TMEM177: variants seen among roughly 807,000 people sequenced by gnomAD.
The protein encoded by TMEM177 is transmembrane protein 177.
TMEM177 carries 4 observed loss-of-function variants against 14.2 expected under a neutral mutation model. The ratio of observed to expected loss-of-function variants is 0.28; its 90% CI spans 0.14 to 0.64. The LOEUF is 0.64. TMEM177 is among the 30% of genes least tolerant of loss of function. TMEM177 has a pLI of 0.82. For synonymous variants in TMEM177, 179 were observed against 174.5 expected, an observed-to-expected ratio of 1.03 and a Z score of -0.20; for missense variants, 344 against 405.2, an observed-to-expected ratio of 0.85 and a Z score of 1.30.
downstream of TMEM177, among the ~76,000 whole-genome samples, chr2:119,690,002 C>G (rs1199527648): frequency 6.6e-6 from 1 of 152,212 alleles, no homozygotes; most frequent in Non-Finnish European, 1.5e-5. Context: ...GAGCCTTGCT[C>G]CCCGCTAGAG....
At chr2:119,723,196 G>A in the TMEM177 span, among the ~76,000 whole-genome samples, 5 of 152,128 alleles carry the variant, frequency 3.3e-5, no homozygotes, top group Admixed American at 6.5e-5. Context: ...TCGAAGACAC[G>A]TCAAGGAAGC....
the TMEM177 span, among the ~76,000 whole-genome samples, chr2:119,720,866 T>G: frequency 6.6e-6 from 1 of 152,206 alleles, no homozygotes; most frequent in Non-Finnish European, 1.5e-5. Context: ...TCAAACTGGC[T>G]TAAATAATGA....
rs763206778 is a variant in TMEM177, at chr2:119,681,558, G to A, written c.705G>A (p.Thr235=). ...TGGAGTCCTGGCTGGACCGCCGCAC[G>A]GCCTCCCTCTCTGCAGCCTATGCCT... ...HAVESWLDRR[T]ASLSAAYACG... Residue 235 remains threonine (T), a synonymous_variant, in exon 2 of 2, where the codon ACG becomes ACA. Transcript: ENST00000272521. The A allele has an allele frequency of 8.7e-6, 14 of 1,614,178 alleles. No individual in the cohort carries two copies. Among genetic ancestry groups the A allele is most frequent in the Admixed American group, 5.0e-5 (3 of 60,028 alleles).
At chr2:119,700,172 A>G in the TMEM177 span, 1 of 192,074 alleles carries the variant, frequency 5.2e-6, no homozygotes. Context: ...AGCATAAAAT[A>G]AATGCAATTA....
At chr2:119,680,179 C>G (rs1688857778) in intron 1 of TMEM177, among the ~76,000 whole-genome samples, 1 of 152,208 alleles carries the variant, frequency 6.6e-6, no homozygotes, top group African/African-American at 2.4e-5. Context: ...AAGACCCTGT[C>G]TCCAAATACA....
At chr2:119,688,231 A>G (rs1435724130), downstream of TMEM177, among the ~76,000 whole-genome samples, 1 of 152,214 alleles carries the variant, frequency 6.6e-6, no homozygotes, top group African/African-American at 2.4e-5. Flanking sequence ...CAATAATGTA[A>G]ACATGGTAAA....
chr2:119,715,941 A>C, the TMEM177 span, among the ~76,000 whole-genome samples: 1 of 152,222 alleles, frequency 6.6e-6, no homozygotes, highest in Non-Finnish European at 1.5e-5. Context: ...CCACAAGTGC[A>C]GTGACCCATG....
chr2:119,684,079 A>C (rs1688967621), downstream of TMEM177, among the ~76,000 whole-genome samples: 1 of 152,082 alleles, frequency 6.6e-6, no homozygotes, highest in East Asian at 1.9e-4. Flanking sequence ...CTCCTGCCTA[A>C]AGCCCTTTAG....
the TMEM177 span, among the ~76,000 whole-genome samples, chr2:119,717,640 G>T: frequency 0.25 from 30,524 of 121,248 alleles, 3,458 homozygotes; most frequent in South Asian, 0.34. Context: ...ACAGAGTCTT[G>T]CTCTGTCACC....
downstream of TMEM177, among the ~76,000 whole-genome samples, chr2:119,682,448 C>A (rs1052374986): frequency 6.6e-6 from 1 of 152,104 alleles, no homozygotes; most frequent in African/African-American, 2.4e-5. Flanking sequence ...GGTTAAAAGA[C>A]TAGAGAGCCC....
chr2:119,689,042 T>C (rs1274305202), downstream of TMEM177, among the ~76,000 whole-genome samples: 1 of 152,184 alleles, frequency 6.6e-6, no homozygotes, highest in African/African-American at 2.4e-5. Flanking sequence ...TGCTCTGAAG[T>C]CTGAGGCCCA....
chr2:119,702,515 TTGCTCTAGGACA>T, the TMEM177 span, among the ~76,000 whole-genome samples: 2 of 152,200 alleles, frequency 1.3e-5, no homozygotes, highest in African/African-American at 4.8e-5. Context: ...TTCACCCACC[TTGCTCTAGGACA>T]TAATCCCAGG....
rs1231539016 is a variant in TMEM177 at position 119,681,285 on chromosome 2, C to T, written c.432C>T (p.Thr144=). The change falls in exon 2 of 2, where the codon ACC becomes ACT. Residue 144 remains threonine, a synonymous_variant. Coordinates refer to ENST00000272521, the MANE Select transcript of TMEM177 (RefSeq NM_030577.3). The part of the protein sequence containing the change: ...PAGARLRASL[T]LSREAQKFAL... ...GCGCCCGGCTGAGAGCTTCCCTGAC[C>T]TTGTCCCGTGAAGCCCAGAAGTTCG... 2.5e-6 allele frequency: 4 copies of T among 1,614,152 alleles called. No individual in the cohort carries two copies. In the Admixed American group the frequency reaches 5.0e-5, roughly 20 times the overall value.
the TMEM177 span, among the ~76,000 whole-genome samples, chr2:119,719,128 G>A: frequency 1.3e-5 from 2 of 152,124 alleles, no homozygotes; most frequent in Non-Finnish European, 2.9e-5. Flanking sequence ...ACACACCCAA[G>A]TACCCATGAC....
chr2:119,680,427 CG>C (rs1268055152), intron 1 of TMEM177, among the ~76,000 whole-genome samples: 1 of 152,052 alleles, frequency 6.6e-6, no homozygotes, highest in Non-Finnish European at 1.5e-5. Context: ...AAATTGAACA[CG>C]TTTTTCCTTA....
the TMEM177 span, among the ~76,000 whole-genome samples, chr2:119,721,927 A>G: frequency 6.6e-6 from 1 of 152,238 alleles, no homozygotes; most frequent in African/African-American, 2.4e-5. Context: ...GATTGGTTTA[A>G]GCCCAGATTC....
downstream of TMEM177, among the ~76,000 whole-genome samples, chr2:119,685,221 C>T (rs1252410038): frequency 2.3e-4 from 31 of 134,152 alleles, 1 homozygote; most frequent in Admixed American, 2.0e-3. Flanking sequence ...CGCCCCCCCC[C>T]CCCTTTGCAG....
the TMEM177 span, among the ~76,000 whole-genome samples, chr2:119,710,757 C>A: frequency 6.6e-6 from 1 of 151,974 alleles, no homozygotes; most frequent in Non-Finnish European, 1.5e-5. Context: ...CTACAGGCGC[C>A]CCCACCACCC....
chr2:119,716,543 C>T, the TMEM177 span, among the ~76,000 whole-genome samples: 1 of 152,126 alleles, frequency 6.6e-6, no homozygotes, highest in East Asian at 1.9e-4. Context: ...CGAGTCCCAG[C>T]CAGGGGAGAA....
Sources: allele counts gnomAD v4.1 joint callset (sites outside exome capture counted in the v4.1 genomes callset), GRCh38; gene constraint gnomAD v4.1.1; transcripts MANE v1.5; gene names NCBI Gene and HGNC (gene_info 2026-07-23, HGNC 2026-07-21).